The following PCNX1 variants were observed in gnomAD, a reference collection of about 807,000 sequenced individuals.
PCNX1 encodes the protein pecanex 1.
A neutral mutation model predicts 242.2 loss-of-function variants in PCNX1; 78 were observed. That is an observed-to-expected ratio of 0.32 (90% CI 0.27 to 0.39). PCNX1 has a LOEUF of 0.39. Ranked by LOEUF, PCNX1 falls within the 10% of genes least tolerant of loss-of-function variation. PCNX1 has a pLI of 1.00. For missense variants in PCNX1, 2,581 were observed against 2,856.5 expected (o/e 0.90, Z 2.20); for synonymous variants, 1,024 against 1,032.9 (o/e 0.99, Z 0.17).
Position 71,089,329 on chromosome 14 carries a change from T to C in PCNX1, c.5576T>C (p.Ile1859Thr). The part of the protein sequence containing the change: ...KVVVPGIRMS[I>T]KLHQDHFTSP... ...GTAGTCCCTGGGATCCGTATGTCCA[T>C]TAAACTTCATCAGGTAAGAAGATGA... The change falls in exon 30 of 36, where the codon ATT becomes ACT. Residue 1859 changes from isoleucine (I) to threonine (T), a missense_variant. This residue lies in a region of PCNX1 where 298 missense variants were observed against 480.1 expected (regional missense o/e 0.62). Transcript: ENST00000304743. The C allele has an allele frequency of 6.2e-7, 1 of 1,611,384 alleles. No homozygotes were observed.
At chr14:70,971,485 T>A (rs7147862) in intron 5 of PCNX1, among the ~76,000 whole-genome samples, 67,174 of 151,854 alleles carry the variant, frequency 0.44, 16,288 homozygotes, top group Non-Finnish European at 0.55. Context: ...CATTTTTCCA[T>A]ATGTTTAACA....
Position 71,076,221 on chromosome 14 carries a change from G to A in PCNX1, c.5139G>A (p.Lys1713=). ...GIIYYVTTSS[K]LEEWLANETM... Reference sequence around the variant, plus strand: ...TTTATTATGTTACGACCTCGTCTAAGCTAGAGGAGTGGCTAGCTAATGAGA... The same window carrying A: ...TTTATTATGTTACGACCTCGTCTAAACTAGAGGAGTGGCTAGCTAATGAGA... Residue 1713 remains lysine (K), a synonymous_variant, in exon 28 of 36, where the codon AAG becomes AAA. Transcript: ENST00000304743. The A allele has an allele frequency of 6.2e-7, 1 of 1,612,630 alleles. No individual in the cohort carries two copies. Among genetic ancestry groups the A allele is most frequent in the Non-Finnish European group, 8.5e-7 (1 of 1,178,992 alleles).
At chr14:71,103,028 C>T (rs1279468996) in intron 31 of PCNX1, among the ~76,000 whole-genome samples, 1 of 152,074 alleles carries the variant, frequency 6.6e-6, no homozygotes, top group African/African-American at 2.4e-5. Context: ...TCACATTAAT[C>T]GACCCACAAA....
At chr14:70,919,663 A>G (rs1251355187) in intron 1 of PCNX1, among the ~76,000 whole-genome samples, 2 of 136,674 alleles carry the variant, frequency 1.5e-5, no homozygotes, top group African/African-American at 5.5e-5. Context: ...TAAATACTAT[A>G]GATGAAATAA....
chr14:71,075,915 T>C (rs2061706640), intron 27 of PCNX1, among the ~76,000 whole-genome samples: 1 of 151,810 alleles, frequency 6.6e-6, no homozygotes, highest in South Asian at 2.1e-4. Context: ...ATAAAATAAA[T>C]AGAATTGTTT....
rs771409779 is a variant in PCNX1 at position 71,108,623 on chromosome 14, C to T, written c.6321C>T (p.His2107=). ...TCCTAGGCACTAGCCACAGCTCTCACTCTGTGCAGTCGGGCCTGGTCAGAC... is the reference window on the plus strand; with the variant it reads ...TCCTAGGCACTAGCCACAGCTCTCATTCTGTGCAGTCGGGCCTGGTCAGAC... The part of the protein sequence containing the change: ...PPTLGTSHSS[H]SVQSGLVRQS... The change falls in exon 34 of 36, where the codon CAC becomes CAT. Residue 2107 remains histidine (H), a synonymous_variant. Coordinates refer to ENST00000304743, the MANE Select transcript of PCNX1 (RefSeq NM_014982.3). 5.0e-6 allele frequency: 8 copies of T among 1,612,240 alleles called. No individual in the cohort carries two copies. Among genetic ancestry groups the T allele is most frequent in the Admixed American group, 1.7e-5 (1 of 59,952 alleles).
At chr14:71,053,877 G>C (rs1026316592) in intron 24 of PCNX1, among the ~76,000 whole-genome samples, 1 of 152,188 alleles carries the variant, frequency 6.6e-6, no homozygotes, top group Non-Finnish European at 1.5e-5. Flanking sequence ...TTAATGTCTG[G>C]GTTATTAAAA....
Position 70,995,806 on chromosome 14 carries a change from C to T in PCNX1, c.2510C>T (p.Ser837Phe), listed in dbSNP as rs762618830. 6.2e-7 allele frequency: 1 copy of T among 1,614,064 alleles called. No homozygotes were observed. The highest frequency in any genetic ancestry group is 8.5e-7 in the Non-Finnish European group (1 of 1,179,960). Residue 837 changes from serine (S) to phenylalanine (F), a missense_variant, in exon 8 of 36, where the codon TCC becomes TTC. Physicochemically the swap from Ser to Phe is radical, Grantham distance 155. Transcript: ENST00000304743. ...AQVKVQSRPP[S>F]QAAVLSASAS... Reference sequence around the variant, plus strand: ...GTCAAAGTCCAGTCCCGCCCCCCTTCCCAGGCTGCAGTGCTCAGTGCTAGT... The same window carrying T: ...GTCAAAGTCCAGTCCCGCCCCCCTTTCCAGGCTGCAGTGCTCAGTGCTAGT...
intron 2 of PCNX1, among the ~76,000 whole-genome samples, chr14:70,948,562 T>C (rs2057554898): frequency 6.6e-6 from 1 of 150,748 alleles, no homozygotes; most frequent in African/African-American, 2.4e-5. Context: ...ATAAAATGTA[T>C]GTGTGTGTAT....
At chr14:70,982,027 T>G (rs547975945) in intron 6 of PCNX1, among the ~76,000 whole-genome samples, 14 of 152,326 alleles carry the variant, frequency 9.2e-5, no homozygotes, top group African/African-American at 3.4e-4. Context: ...TATAATATTG[T>G]GTTGGGAACC....
At chr14:70,910,379 G>C (rs888780814) in intron 1 of PCNX1, among the ~76,000 whole-genome samples, 2 of 151,324 alleles carry the variant, frequency 1.3e-5, no homozygotes, top group African/African-American at 4.9e-5. Flanking sequence ...GATTCTTTCA[G>C]ATCATGTCAT....
At position 71,081,928 on chromosome 14, in the gene PCNX1, A is replaced by G. The variant is rs144526233; in HGVS notation, c.5337+5509A>G. On this transcript the variant is annotated intron_variant, in intron 28 of 35. Transcript: ENST00000304743. ...TGAATTTGTTTGCTCTTGCTTTTCT[A>G]GTTCTTTTAATTGCGATGTTAGGGT... 3.1e-3 allele frequency among the ~76,000 whole-genome samples: 472 copies of G among 152,090 alleles called. 5 individuals are homozygous for G. The highest frequency in any genetic ancestry group is 0.011 in the African/African-American group (451 of 41,484).
chr14:71,045,420 A>C (rs2060831913), intron 20 of PCNX1, 137 bp downstream of exon 20: 3 of 641,396 alleles, frequency 4.7e-6, no homozygotes, highest in Non-Finnish European at 7.8e-6. Flanking sequence ...TGAAGCCGTT[A>C]ATGAATCTAG....
chr14:70,968,973 GC>G (rs2058461229), intron 4 of PCNX1, 47 bp from the exon 5 acceptor site: 1 of 1,052,410 alleles, frequency 9.5e-7, no homozygotes, highest in African/African-American at 1.6e-5. Flanking sequence ...CCACCCTACA[GC>G]CTTACTGTTA....
In PCNX1 at chr14:70,978,322, C is replaced by G. The variant is rs1182760790; in HGVS notation, c.1985C>G (p.Ala662Gly). The G allele has an allele frequency of 1.2e-6, 2 of 1,614,176 alleles. No homozygotes were observed. The highest frequency in any genetic ancestry group is 1.7e-6 in the Non-Finnish European group (2 of 1,180,030). The change falls in exon 6 of 36, where the codon GCT becomes GGT. Residue 662 changes from alanine (A) to glycine (G), a missense_variant. By Grantham distance (60) the Ala-to-Gly change is moderately conservative. Transcript: ENST00000304743. ...ACAGACTCTGAACACACACACAAAG[C>G]TCATTTGGTTCCTGAAGGAACCAGC... ...RGTDSEHTHK[A>G]HLVPEGTSKK...
At chr14:71,032,527 A>G (rs2060417388) in intron 16 of PCNX1, among the ~76,000 whole-genome samples, 1 of 152,170 alleles carries the variant, frequency 6.6e-6, no homozygotes, top group Non-Finnish European at 1.5e-5. Context: ...CAATATGATG[A>G]TAAGGTTTTG....
intron 28 of PCNX1, among the ~76,000 whole-genome samples, chr14:71,081,986 T>A (rs1190994805): frequency 6.6e-6 from 1 of 152,216 alleles, no homozygotes; most frequent in Non-Finnish European, 1.5e-5. Context: ...TTTTTTTCTG[T>A]GGGCATTTAG....
At chr14:71,057,382 T>C in intron 25 of PCNX1, 127 bp from the exon 26 acceptor site, 1 of 636,994 alleles carries the variant, frequency 1.6e-6, no homozygotes, top group South Asian at 1.9e-5. Context: ...ACTGTAAGGG[T>C]ATGAATGTTA....
At chr14:71,012,152 C>T (rs866832333) in intron 10 of PCNX1, 4 of 152,708 alleles carry the variant, frequency 2.6e-5, no homozygotes, top group African/African-American at 9.7e-5. Context: ...AACAAACAAA[C>T]AAACAAACAA....
Sources: gnomAD v4.1 joint callset for allele counts (sites outside exome capture counted in the v4.1 genomes callset) on GRCh38, gnomAD v4.1.1 for gene constraint, gnomAD v4.1.1 regional missense constraint, MANE v1.5 for transcripts, NCBI Gene and HGNC (gene_info 2026-07-23, HGNC 2026-07-21) for gene names.